SPATA17: variants seen among roughly 807,000 people sequenced by gnomAD.
SPATA17 encodes spermatogenesis associated 17, also known as spermatogenesis-associated protein 17.
Under a neutral mutation model 62.2 loss-of-function variants are expected in SPATA17, and 53 were observed. The ratio of observed to expected loss-of-function variants is 0.85; its 90% confidence interval spans 0.68 to 1.07. SPATA17 has a LOEUF of 1.07. SPATA17 is among the 50% of genes least tolerant of loss of function. The pLI is 0.00. For synonymous variants in SPATA17, 146 were observed against 146.8 expected (o/e 0.99, Z 0.04); for missense variants, 466 against 425.5 (o/e 1.10, Z -0.84).
intron 6 of SPATA17, among the ~76,000 whole-genome samples, chr1:217,754,072 C>CA (rs969271806): frequency 3.4e-4 from 51 of 148,742 alleles, no homozygotes; most frequent in East Asian, 5.9e-4. Context: ...ACCATCTCTA[C>CA]AAAAAAAAAA....
chr1:217,769,030 G>A (rs1171158209), intron 6 of SPATA17, among the ~76,000 whole-genome samples: 2 of 151,928 alleles, frequency 1.3e-5, no homozygotes, highest in African/African-American at 2.4e-5. Flanking sequence ...CTAGCAAAGT[G>A]GACCCTTTCT....
At chr1:217,688,594 A>G (rs561530046) in intron 5 of SPATA17, among the ~76,000 whole-genome samples, 1 of 152,274 alleles carries the variant, frequency 6.6e-6, no homozygotes, top group African/African-American at 2.4e-5. Flanking sequence ...ATGTCTTATC[A>G]ATTTTAGAAG....
chr1:217,850,665 G>T (rs72730524), intron 9 of SPATA17: 1 of 1,526,366 alleles, frequency 6.6e-7, no homozygotes. Context: ...AGGATGCTGC[G>T]AATCGCCAGT....
At chr1:217,693,235 G>C (rs1437422554) in intron 5 of SPATA17, among the ~76,000 whole-genome samples, 1 of 147,908 alleles carries the variant, frequency 6.8e-6, no homozygotes, top group African/African-American at 2.5e-5. Context: ...TGTATGTGTC[G>C]AGGAATGTAT....
intron 7 of SPATA17, among the ~76,000 whole-genome samples, chr1:217,774,959 T>A (rs1673552187): frequency 6.6e-6 from 1 of 152,214 alleles, no homozygotes; most frequent in Non-Finnish European, 1.5e-5. Flanking sequence ...GCTGTGAACA[T>A]GGGTGTAAAA....
Position 217,796,561 on chromosome 1 carries a change from T to TG in SPATA17, c.873-5151dup, listed in dbSNP as rs578093132. Among the ~76,000 whole-genome samples, 32 of 152,276 alleles carry TG rather than the reference T, an allele frequency of 2.1e-4. No homozygotes were observed. In the South Asian group the frequency reaches 6.2e-3, roughly 30 times the overall value. ...AAACATTACATTTCTGTCTCCACCCTGGGGGGAAGATATTGCTGCCTAAAT... is the reference window on the plus strand; with the variant it reads ...AAACATTACATTTCTGTCTCCACCCTGGGGGGGAAGATATTGCTGCCTAAAT... On this transcript the variant is annotated intron_variant, in intron 8 of 10. Coordinates refer to ENST00000366933, the MANE Select transcript of SPATA17 (RefSeq NM_138796.4).
At chr1:217,811,692 C>T (rs1039164855) in intron 9 of SPATA17, among the ~76,000 whole-genome samples, 14 of 106,906 alleles carry the variant, frequency 1.3e-4, no homozygotes, top group Admixed American at 7.9e-4. Flanking sequence ...GACTCCACCT[C>T]GAGAAAAAAA....
intron 9 of SPATA17, among the ~76,000 whole-genome samples, chr1:217,855,643 A>G (rs1675764217): frequency 6.6e-6 from 1 of 151,984 alleles, no homozygotes; most frequent in Non-Finnish European, 1.5e-5. Flanking sequence ...TTCAGTTTGC[A>G]TGTCTGTCAT....
intron 1 of SPATA17, among the ~76,000 whole-genome samples, chr1:217,632,200 AT>A (rs1669810056): frequency 6.6e-6 from 1 of 151,840 alleles, no homozygotes; most frequent in African/African-American, 2.4e-5. Context: ...AAATAAATAA[AT>A]ATAAATAAAA....
At chr1:217,684,717 C>A (rs1290032866) in intron 5 of SPATA17, among the ~76,000 whole-genome samples, 1 of 152,084 alleles carries the variant, frequency 6.6e-6, no homozygotes, top group African/African-American at 2.4e-5. Context: ...CGCCCAGCCC[C>A]TTATTTTACT....
At chr1:217,703,531 C>T (rs1437383454) in intron 5 of SPATA17, among the ~76,000 whole-genome samples, 1 of 152,190 alleles carries the variant, frequency 6.6e-6, no homozygotes, top group Non-Finnish European at 1.5e-5. Context: ...GTTGGTCAAG[C>T]TGTCTTTGGA....
At chr1:217,741,856 C>T in intron 5 of SPATA17, 119 bp from the exon 6 acceptor site, 1 of 1,045,024 alleles carries the variant, frequency 9.6e-7, no homozygotes, top group Non-Finnish European at 1.4e-6. Flanking sequence ...TAGATTACAC[C>T]ACTGATTTGG....
intron 5 of SPATA17, among the ~76,000 whole-genome samples, chr1:217,715,043 A>T (rs1038522668): frequency 1.3e-5 from 2 of 152,202 alleles, no homozygotes; most frequent in East Asian, 3.9e-4. Flanking sequence ...TGCAAGAAAC[A>T]TTTAAATGAG....
intron 4 of SPATA17, among the ~76,000 whole-genome samples, chr1:217,681,797 C>T (rs764501387): frequency 4.0e-5 from 6 of 151,762 alleles, no homozygotes; most frequent in East Asian, 1.9e-4. Flanking sequence ...AGAATTTTTC[C>T]GGTTAATTTT....
intron 8 of SPATA17, among the ~76,000 whole-genome samples, chr1:217,797,102 A>G (rs1048387143): frequency 2.0e-5 from 3 of 152,176 alleles, no homozygotes; most frequent in Admixed American, 1.3e-4. Flanking sequence ...ATTTCCAATT[A>G]CACGTTCTTT....
intron 5 of SPATA17, among the ~76,000 whole-genome samples, chr1:217,738,690 G>A (rs556970458): frequency 1.3e-5 from 2 of 152,326 alleles, no homozygotes; most frequent in South Asian, 2.1e-4. Flanking sequence ...GATGGCTCAC[G>A]CCTGCAATCC....
intron 8 of SPATA17, among the ~76,000 whole-genome samples, chr1:217,792,872 T>C (rs1328221474): frequency 6.6e-6 from 1 of 152,124 alleles, no homozygotes; most frequent in Non-Finnish European, 1.5e-5. Flanking sequence ...ACTTGATGGC[T>C]TCTGACTTAG....
Position 217,774,479 on chromosome 1 carries a change from G to A in SPATA17, c.665G>A (p.Ser222Asn). 2 of 1,614,082 alleles carry A rather than the reference G, an allele frequency of 1.2e-6. No homozygotes were observed. The highest frequency in any genetic ancestry group is 8.5e-7 in the Non-Finnish European group (1 of 1,179,996). The change falls in exon 7 of 11, where the codon AGC becomes AAC. Residue 222 changes from serine (S) to asparagine (N), a missense_variant. Physicochemically the swap from Ser to Asn is conservative, Grantham distance 46. Transcript: ENST00000366933. Reference sequence around the variant, plus strand: ...CTTACTGATTGGCTAGCTTGTACAAGCGCCCGTTCTTTTCCTCGGTCTGAA... The same window carrying A: ...CTTACTGATTGGCTAGCTTGTACAAACGCCCGTTCTTTTCCTCGGTCTGAA... ...TSLTDWLACTSARSFPRSEIL... is the reference protein window; with the variant it reads ...TSLTDWLACTNARSFPRSEIL...
intron 3 of SPATA17, among the ~76,000 whole-genome samples, chr1:217,664,132 A>G (rs539721795): frequency 1.2e-4 from 19 of 152,206 alleles, no homozygotes; most frequent in African/African-American, 4.1e-4. Flanking sequence ...TTTTGAGAAT[A>G]TAAGGCTAAA....
Sources: allele counts gnomAD v4.1 joint callset (sites outside exome capture counted in the v4.1 genomes callset), GRCh38; gene constraint gnomAD v4.1.1; transcripts MANE v1.5; gene names NCBI Gene and HGNC (gene_info 2026-07-23, HGNC 2026-07-21).